XRCC4: variants seen among roughly 807,000 people sequenced by gnomAD.
XRCC4 encodes the protein X-ray repair cross complementing 4, also known as DNA repair protein XRCC4.
In XRCC4, 28 loss-of-function variants were observed where a neutral mutation model predicts 39.1. That is an observed-to-expected ratio of 0.72 (90% CI 0.53 to 0.98). The LOEUF (loss-of-function observed/expected upper bound fraction) is 0.98. XRCC4 is among the 50% of genes least tolerant of loss of function. The pLI, the probability that XRCC4 is intolerant of heterozygous loss-of-function variation, is 0.00. For synonymous variants in XRCC4, 123 were observed against 126.4 expected, an observed-to-expected ratio of 0.97 and a Z score of 0.18; for missense variants, 350 against 376.4, an observed-to-expected ratio of 0.93 and a Z score of 0.58.
intron 6 of XRCC4, among the ~76,000 whole-genome samples, chr5:83,216,330 GTGGCAAAA>G (rs925944162): frequency 6.6e-6 from 1 of 152,198 alleles, no homozygotes; most frequent in African/African-American, 2.4e-5. Flanking sequence ...AGGAAAGGAT[GTGGCAAAA>G]CTTGAATCCT....
intron 7 of XRCC4, among the ~76,000 whole-genome samples, chr5:83,267,589 C>A (rs970069975): frequency 6.6e-6 from 1 of 152,084 alleles, no homozygotes; most frequent in Non-Finnish European, 1.5e-5. Context: ...TTAAGGAAAC[C>A]ATGGTAGGAG....
chr5:83,188,213 G>C (rs1210675360), intron 3 of XRCC4, among the ~76,000 whole-genome samples: 1 of 152,002 alleles, frequency 6.6e-6, no homozygotes, highest in Non-Finnish European at 1.5e-5. Flanking sequence ...GTTGTCCAGG[G>C]GCTGTGGTCT....
intron 6 of XRCC4, among the ~76,000 whole-genome samples, chr5:83,256,262 C>T (rs1753535226): frequency 6.6e-6 from 1 of 152,130 alleles, no homozygotes; most frequent in Non-Finnish European, 1.5e-5. Context: ...ACTAACATAC[C>T]TTTAGTAACA....
intron 3 of XRCC4, among the ~76,000 whole-genome samples, chr5:83,128,762 T>C (rs1007256162): frequency 3.3e-5 from 5 of 152,190 alleles, no homozygotes; most frequent in African/African-American, 9.6e-5. Context: ...TTGGGCTGCA[T>C]AAATGTCTTC....
chr5:83,373,315 T>A, the XRCC4 span, among the ~76,000 whole-genome samples: 4 of 152,122 alleles, frequency 2.6e-5, no homozygotes, highest in Admixed American at 6.5e-5. Context: ...TTTAGTCAGC[T>A]GTTTCAAATG....
intron 1 of XRCC4, among the ~76,000 whole-genome samples, chr5:83,088,524 A>C (rs1476287860): frequency 7.7e-6 from 1 of 129,230 alleles, no homozygotes; most frequent in Non-Finnish European, 1.7e-5. Flanking sequence ...ATATTAAGTG[A>C]CTATGAAACT....
Position 83,266,337 on chromosome 5 carries a change from AAAGT to A in XRCC4, c.893+7666_893+7669del, listed in dbSNP as rs199654022. On this transcript the variant is annotated intron_variant, in intron 7 of 7. Transcript: ENST00000396027. ...TCTAGTATGATGTGTTACTCAATGT[AAAGT>A]AAGTATTTGGTCCGTAGTAAAAATT... Among the ~76,000 whole-genome samples the A allele has an allele frequency of 6.0e-3, 908 of 150,710 alleles. 7 individuals carry two copies. The highest frequency in any genetic ancestry group is 0.038 in the Middle Eastern group (11 of 292).
chr5:83,130,149 C>G (rs1747493741), intron 3 of XRCC4, among the ~76,000 whole-genome samples: 1 of 152,018 alleles, frequency 6.6e-6, no homozygotes, highest in Non-Finnish European at 1.5e-5. Context: ...CCCATCAATA[C>G]CTAATTTATT....
chr5:83,111,581 CTT>C (rs1011820752), intron 3 of XRCC4, among the ~76,000 whole-genome samples: 2 of 151,716 alleles, frequency 1.3e-5, no homozygotes, highest in African/African-American at 4.8e-5. Flanking sequence ...CAAAATATAT[CTT>C]TGAATATAGA....
intron 4 of XRCC4, among the ~76,000 whole-genome samples, chr5:83,200,616 C>T (rs1751149191): frequency 6.6e-6 from 1 of 152,100 alleles, no homozygotes; most frequent in African/African-American, 2.4e-5. Flanking sequence ...AAGTACACAT[C>T]ATCATTCAAT....
At chr5:83,312,909 C>A (rs1392694680) in intron 7 of XRCC4, among the ~76,000 whole-genome samples, 1 of 152,052 alleles carries the variant, frequency 6.6e-6, no homozygotes, top group Non-Finnish European at 1.5e-5. Flanking sequence ...TTAGTAAAGT[C>A]ATTGGACTAG....
chr5:83,337,093 G>T (rs1204873685), intron 7 of XRCC4, among the ~76,000 whole-genome samples: 1 of 152,100 alleles, frequency 6.6e-6, no homozygotes, highest in Non-Finnish European at 1.5e-5. Flanking sequence ...TGTGTAAATT[G>T]TATATGAAAC....
intron 7 of XRCC4, among the ~76,000 whole-genome samples, chr5:83,303,123 G>C (rs763352621): frequency 5.3e-5 from 8 of 150,630 alleles, no homozygotes; most frequent in Non-Finnish European, 1.2e-4. Flanking sequence ...TGAGGCAGGG[G>C]AATTGTTTGA....
chr5:83,249,052 TA>T (rs1218322866), intron 6 of XRCC4, among the ~76,000 whole-genome samples: 1 of 152,138 alleles, frequency 6.6e-6, no homozygotes, highest in African/African-American at 2.4e-5. Context: ...TAATCATTTT[TA>T]AAAAGCATAA....
chr5:83,350,631 GTTGAT>G (rs1242583260), intron 7 of XRCC4, among the ~76,000 whole-genome samples: 3 of 151,922 alleles, frequency 2.0e-5, no homozygotes, highest in South Asian at 2.1e-4. Flanking sequence ...CTTTTTGCTT[GTTGAT>G]TTAAGTTCCA....
chr5:83,182,282 C>A (rs1184394472), intron 3 of XRCC4, among the ~76,000 whole-genome samples: 1 of 152,194 alleles, frequency 6.6e-6, no homozygotes, highest in African/African-American at 2.4e-5. Flanking sequence ...TTCTGCTTAA[C>A]AGGATCCAAC....
chr5:83,101,049 A>T (rs931912666), intron 1 of XRCC4, among the ~76,000 whole-genome samples: 1 of 152,116 alleles, frequency 6.6e-6, no homozygotes, highest in Admixed American at 6.5e-5. Flanking sequence ...AAATATATTT[A>T]AAAATTTTAC....
At chr5:83,133,530 G>A (rs1747715528) in intron 3 of XRCC4, among the ~76,000 whole-genome samples, 1 of 152,172 alleles carries the variant, frequency 6.6e-6, no homozygotes, top group South Asian at 2.1e-4. Flanking sequence ...GCTGCGTTGG[G>A]CTCCACCCAG....
chr5:83,292,469 C>T (rs1428197907), intron 7 of XRCC4, among the ~76,000 whole-genome samples: 1 of 151,916 alleles, frequency 6.6e-6, no homozygotes, highest in Non-Finnish European at 1.5e-5. Flanking sequence ...AGCTCAAAAT[C>T]TAATTTAAAA....
Sources: gnomAD v4.1 joint callset for allele counts (sites outside exome capture counted in the v4.1 genomes callset) on GRCh38, gnomAD v4.1.1 for gene constraint, MANE v1.5 for transcripts, NCBI Gene and HGNC (gene_info 2026-07-23, HGNC 2026-07-21) for gene names.